The following BMPER variants were observed in gnomAD, a reference collection of about 807,000 sequenced individuals.
BMPER encodes BMP-binding endothelial regulator protein.
A neutral mutation model predicts 87.3 loss-of-function variants in BMPER; 45 were observed. The ratio of observed to expected loss-of-function variants is 0.52; its 90% CI spans 0.41 to 0.66. The LOEUF is 0.66. Ranked by LOEUF, BMPER falls within the 30% of genes least tolerant of loss-of-function variation. The probability of loss-of-function intolerance (pLI) is 0.00; values close to 1 mark genes in which losing one functional copy is unlikely to be tolerated. For synonymous variants in BMPER, 326 were observed against 316.2 expected, an observed-to-expected ratio of 1.03 and a Z score of -0.33; for missense variants, 784 against 867.5, an observed-to-expected ratio of 0.90 and a Z score of 1.21.
intron 6 of BMPER, among the ~76,000 whole-genome samples, chr7:34,003,208 CACATATATATACACACAT>C (rs1196589516): frequency 3.3e-5 from 5 of 151,746 alleles, no homozygotes; most frequent in African/African-American, 1.2e-4. Flanking sequence ...TACACACACA[CACATATATATACACACAT>C]ACATATATGT....
intron 5 of BMPER, among the ~76,000 whole-genome samples, chr7:33,974,101 G>A (rs1785619076): frequency 6.6e-6 from 1 of 152,150 alleles, no homozygotes; most frequent in South Asian, 2.1e-4. Context: ...CAGCAGATGG[G>A]TCAGAACTGA....
At chr7:34,084,001 TA>T (rs57825100) in intron 12 of BMPER, among the ~76,000 whole-genome samples, 5,670 of 122,728 alleles carry the variant, frequency 0.046, 320 homozygotes, top group African/African-American at 0.14. Flanking sequence ...AGGAAAGATT[TA>T]AAAAAAAAAA....
intron 6 of BMPER, among the ~76,000 whole-genome samples, chr7:34,023,340 A>T (rs1787248829): frequency 6.6e-6 from 1 of 152,108 alleles, no homozygotes; most frequent in Non-Finnish European, 1.5e-5. Context: ...CTAGGGTGAC[A>T]AAGATTTAGC....
At position 34,051,915 on chromosome 7, in the gene BMPER, T is replaced by A; in HGVS notation, c.731T>A (p.Val244Asp). Reference sequence around the variant, plus strand: ...GGGAGCTGCCTCTTTCGAAGTGATGTTTATGACAATGGATCCTCATTTCTG... The same window carrying A: ...GGGAGCTGCCTCTTTCGAAGTGATGATTATGACAATGGATCCTCATTTCTG... ...PFGSCLFRSDVYDNGSSFLYD... is the reference protein window; with the variant it reads ...PFGSCLFRSDDYDNGSSFLYD... The change falls in exon 8 of 15, where the codon GTT becomes GAT. Residue 244 changes from valine (V) to aspartate (D), a missense_variant. By Grantham distance (152) the Val-to-Asp change is radical. Coordinates refer to ENST00000649409, the MANE Select transcript of BMPER (RefSeq NM_001365308.1). 6.2e-7 allele frequency: 1 copy of A among 1,614,038 alleles called. No homozygotes were observed. The highest frequency in any genetic ancestry group is 8.5e-7 in the Non-Finnish European group (1 of 1,179,886).
chr7:33,927,166 C>A (rs1784379185), intron 2 of BMPER, among the ~76,000 whole-genome samples: 1 of 152,222 alleles, frequency 6.6e-6, no homozygotes, highest in Admixed American at 6.5e-5. Context: ...GATGTCAGCT[C>A]CATTTACTTG....
chr7:34,088,993 T>A (rs1789300044), intron 13 of BMPER, among the ~76,000 whole-genome samples: 1 of 152,180 alleles, frequency 6.6e-6, no homozygotes. Context: ...GAATGTCATG[T>A]GTTCATTGTA....
At chr7:33,926,511 T>TTTA (rs1784366067) in intron 2 of BMPER, among the ~76,000 whole-genome samples, 1 of 152,250 alleles carries the variant, frequency 6.6e-6, no homozygotes, top group Non-Finnish European at 1.5e-5. Context: ...CTCTCGTTTC[T>TTTA]TTATAACACC....
intron 6 of BMPER, among the ~76,000 whole-genome samples, chr7:33,995,207 A>G (rs575388519): frequency 5.3e-5 from 8 of 152,096 alleles, no homozygotes; most frequent in Non-Finnish European, 1.0e-4. Context: ...AAAAACTAAA[A>G]AGACTCTTAC....
intron 13 of BMPER, among the ~76,000 whole-genome samples, chr7:34,110,652 C>T (rs731844): frequency 0.54 from 82,311 of 152,000 alleles, 23,192 homozygotes; most frequent in East Asian, 0.81. Context: ...TTAGTTGTGT[C>T]GTAGGGAGAT....
At chr7:34,060,045 A>G (rs1311367987) in intron 10 of BMPER, among the ~76,000 whole-genome samples, 1 of 152,064 alleles carries the variant, frequency 6.6e-6, no homozygotes, top group Non-Finnish European at 1.5e-5. Context: ...ATCTCATTTA[A>G]TGCTAACATC....
rs1255197373 is a variant in BMPER at position 34,153,029 on chromosome 7, G to A, written c.1877-63G>A. 2.5e-6 allele frequency: 4 copies of A among 1,588,842 alleles called. No homozygotes were observed. In the Admixed American group the frequency reaches 6.7e-5, roughly 26 times the overall value. ...TCATGAGCCTGCAAGAACGGCATCT[G>A]GCTGAGGGTGAATTAATGGGGCCTT... On this transcript the variant is annotated intron_variant, in intron 14 of 14. Transcript: ENST00000649409.
rs975025431 is a variant in BMPER at position 34,035,718 on chromosome 7, C to A, written c.577-10588C>A. ...CACTTCTGATGTTACTCTGGCCTCA[C>A]TGTGTGGCTAGGCACTGTGGAAGAC... is the stretch of plus-strand genomic sequence containing the variant. On this transcript the variant is annotated intron_variant, in intron 6 of 14. Coordinates refer to ENST00000649409, the MANE Select transcript of BMPER (RefSeq NM_001365308.1). 3.3e-5 allele frequency among the ~76,000 whole-genome samples: 5 copies of A among 152,310 alleles called. No individual in the cohort carries two copies. The South Asian group carries it at 6.2e-4, about 19-fold the overall frequency.
At chr7:33,990,019 C>G (rs199827477) in intron 6 of BMPER, among the ~76,000 whole-genome samples, 45,772 of 151,136 alleles carry the variant, frequency 0.3, 7,339 homozygotes, top group African/African-American at 0.39. Flanking sequence ...GTTACTGTAG[C>G]CTTGTAGTAT....
intron 6 of BMPER, among the ~76,000 whole-genome samples, chr7:34,017,081 C>T (rs892308594): frequency 1.3e-5 from 2 of 151,820 alleles, no homozygotes; most frequent in African/African-American, 4.8e-5. Flanking sequence ...GCCAGTCACT[C>T]CAGATGGCTT....
chr7:34,058,398 A>G (rs901853140), intron 10 of BMPER, among the ~76,000 whole-genome samples: 32 of 152,118 alleles, frequency 2.1e-4, no homozygotes, highest in Admixed American at 7.2e-4. Flanking sequence ...GACATCTCCC[A>G]TTCATTCTGT....
intron 13 of BMPER, among the ~76,000 whole-genome samples, chr7:34,123,778 T>C (rs1168273724): frequency 1.3e-5 from 2 of 152,218 alleles, no homozygotes; most frequent in Non-Finnish European, 2.9e-5. Flanking sequence ...ATAGGGCTGT[T>C]CTTTAATTTG....
At chr7:33,953,081 C>T (rs911887045) in intron 3 of BMPER, among the ~76,000 whole-genome samples, 1 of 152,226 alleles carries the variant, frequency 6.6e-6, no homozygotes, top group African/African-American at 2.4e-5. Context: ...AGGCAGTCCT[C>T]TGACTGTCGG....
chr7:33,941,099 T>TA (rs1434324936), intron 3 of BMPER, among the ~76,000 whole-genome samples: 3 of 137,126 alleles, frequency 2.2e-5, no homozygotes, highest in East Asian at 2.0e-4. Flanking sequence ...AATTTATATG[T>TA]AATATATTAC....
chr7:33,944,993 G>C (rs1784850911), intron 3 of BMPER, among the ~76,000 whole-genome samples: 3 of 152,276 alleles, frequency 2.0e-5, no homozygotes, highest in Admixed American at 2.0e-4. Flanking sequence ...CCAGGCTGGA[G>C]TGCAGTGGCA....
Sources: allele counts gnomAD v4.1 joint callset (sites outside exome capture counted in the v4.1 genomes callset), GRCh38; gene constraint gnomAD v4.1.1; transcripts MANE v1.5; gene names NCBI Gene and HGNC (gene_info 2026-07-23, HGNC 2026-07-21).